TRIM37: variants seen among roughly 807,000 people sequenced by gnomAD.
TRIM37 encodes the protein tripartite motif containing 37, also known as E3 ubiquitin-protein ligase TRIM37.
In TRIM37, 80 loss-of-function variants were observed where a neutral mutation model predicts 129.8. That is an observed-to-expected ratio of 0.62 (90% CI 0.51 to 0.74). TRIM37 has a LOEUF of 0.74. Ranked by LOEUF, TRIM37 falls within the 30% of genes least tolerant of loss-of-function variation. The pLI, the probability that TRIM37 is intolerant of heterozygous loss-of-function variation, is 0.00. For synonymous variants in TRIM37, 389 were observed against 387.1 expected (o/e 1.00, Z -0.06); for missense variants, 1,054 against 1,176.5 (o/e 0.90, Z 1.52).
At chr17:58,990,360 G>A (rs530836047) in intron 24 of TRIM37, among the ~76,000 whole-genome samples, 1 of 151,892 alleles carries the variant, frequency 6.6e-6, no homozygotes, top group East Asian at 1.9e-4. Flanking sequence ...GCATGGTGGT[G>A]CACGCCTGTA....
rs148512839 is a variant in TRIM37, at chr17:59,014,881, A to C, written c.2576+729T>G. On this transcript the variant is annotated intron_variant, in intron 21 of 23. Coordinates refer to ENST00000262294, the MANE Select transcript of TRIM37 (RefSeq NM_015294.6). ...AAAAAAAGTACTATCTCTTGAGACC[A>C]TGGTGAAACCCCATCTCTACTAAAA... 1.7e-3 allele frequency among the ~76,000 whole-genome samples: 257 copies of C among 151,454 alleles called. 4 individuals are homozygous for C. The East Asian group carries it at 0.034, about 20-fold the overall frequency.
chr17:59,092,671 A>G (rs1294694822), intron 2 of TRIM37, among the ~76,000 whole-genome samples: 1 of 152,180 alleles, frequency 6.6e-6, no homozygotes, highest in African/African-American at 2.4e-5. Context: ...TCAGAGGTAA[A>G]TAACTATGAT....
chr17:59,094,937 C>T (rs112160739), intron 2 of TRIM37, among the ~76,000 whole-genome samples: 1 of 152,122 alleles, frequency 6.6e-6, no homozygotes, highest in Admixed American at 6.5e-5. Flanking sequence ...ATGGACCAGT[C>T]GGGTGTGGTG....
chr17:59,014,213 T>C (rs2035630406), intron 21 of TRIM37, among the ~76,000 whole-genome samples: 1 of 152,220 alleles, frequency 6.6e-6, no homozygotes, highest in African/African-American at 2.4e-5. Context: ...GCTGATCTTG[T>C]AGTTTTGGTA....
intron 22 of TRIM37, among the ~76,000 whole-genome samples, chr17:59,003,363 TA>T (rs1293938102): frequency 2.6e-5 from 4 of 152,244 alleles, no homozygotes; most frequent in African/African-American, 9.6e-5. Context: ...GTTCAAATTT[TA>T]AGAAATTAAC....
chr17:59,097,660 G>C (rs2045035869), intron 2 of TRIM37, among the ~76,000 whole-genome samples: 1 of 152,152 alleles, frequency 6.6e-6, no homozygotes, highest in African/African-American at 2.4e-5. Flanking sequence ...CTTGAACCCA[G>C]GAAGTTGAGG....
At chr17:58,979,382 A>AT (rs1439101494), downstream of TRIM37, among the ~76,000 whole-genome samples, 2 of 152,242 alleles carry the variant, frequency 1.3e-5, no homozygotes, top group African/African-American at 4.8e-5. Context: ...GGTCAGCCAC[A>AT]TAACTCCTCC....
chr17:59,105,978 C>A (rs1818220874), intron 1 of TRIM37, among the ~76,000 whole-genome samples: 1 of 152,164 alleles, frequency 6.6e-6, no homozygotes, highest in East Asian at 1.9e-4. Context: ...GGAAACTACA[C>A]ATGAGATAAT....
intron 22 of TRIM37, 148 bp downstream of exon 22, chr17:59,012,180 A>T: frequency 1.5e-6 from 1 of 686,214 alleles, no homozygotes; most frequent in Non-Finnish European, 2.6e-6. Flanking sequence ...TAACATTTCC[A>T]TTAAACCAAC....
intron 5 of TRIM37, among the ~76,000 whole-genome samples, chr17:59,081,964 A>AAAAATAATAAT (rs1568200247): frequency 1.1e-5 from 1 of 87,228 alleles, no homozygotes; most frequent in African/African-American, 5.1e-5. Context: ...AAAAAAAAAA[A>AAAAATAATAAT]AATAATAATA....
At position 59,076,332 on chromosome 17, in the gene TRIM37, G is replaced by A. The variant is rs117913764; in HGVS notation, c.617-618C>T. ...AAAGCAAGAGGATAACTTGAGCCTA[G>A]GTATTTGAGACCAGCCTAGGCAACA... On this transcript the variant is annotated intron_variant, in intron 7 of 23. Coordinates refer to ENST00000262294, the MANE Select transcript of TRIM37 (RefSeq NM_015294.6). 5.3e-5 allele frequency among the ~76,000 whole-genome samples: 8 copies of A among 152,346 alleles called. No individual in the cohort carries two copies. The East Asian group carries it at 1.5e-3, about 29-fold the overall frequency.
At chr17:58,997,170 G>C (rs924296800), downstream of TRIM37, among the ~76,000 whole-genome samples, 30 of 152,134 alleles carry the variant, frequency 2.0e-4, no homozygotes, top group African/African-American at 7.2e-4. Flanking sequence ...ATTGCAACCA[G>C]GATTAACTTC....
At chr17:59,035,471 C>T (rs2038357364) in intron 17 of TRIM37, among the ~76,000 whole-genome samples, 1 of 151,950 alleles carries the variant, frequency 6.6e-6, no homozygotes, top group Admixed American at 6.6e-5. Context: ...TAAAGCTATA[C>T]AGCCAGGCGC....
chr17:59,106,358 G>A, intron 1 of TRIM37, 83 bp downstream of exon 1: 1 of 1,557,666 alleles, frequency 6.4e-7, no homozygotes, highest in Non-Finnish European at 8.8e-7. Flanking sequence ...CTACTGGAGG[G>A]AGGACATGGG....
intron 24 of TRIM37, among the ~76,000 whole-genome samples, chr17:58,990,355 G>A (rs1477885360): frequency 6.6e-6 from 1 of 151,890 alleles, no homozygotes; most frequent in East Asian, 1.9e-4. Context: ...GCTAAGCATG[G>A]TGGTGCACGC....
chr17:59,021,014 G>C (rs117012981), intron 19 of TRIM37, among the ~76,000 whole-genome samples: 137 of 152,264 alleles, frequency 9.0e-4, no homozygotes, highest in Middle Eastern at 3.4e-3. Flanking sequence ...TGTCAAAGAG[G>C]TATCTGCATT....
chr17:59,021,466 T>C (rs1216408616), intron 19 of TRIM37, among the ~76,000 whole-genome samples: 1 of 152,182 alleles, frequency 6.6e-6, no homozygotes, highest in Non-Finnish European at 1.5e-5. Context: ...AATGAGATCC[T>C]GTCATTTGCA....
intron 3 of TRIM37, among the ~76,000 whole-genome samples, chr17:59,090,836 G>A (rs1368423192): frequency 6.6e-6 from 1 of 152,134 alleles, no homozygotes; most frequent in Admixed American, 6.5e-5. Context: ...ATGTTGGCCA[G>A]GCTGGTGTCG....
At chr17:59,103,143 G>A (rs2045667039) in intron 2 of TRIM37, among the ~76,000 whole-genome samples, 1 of 152,136 alleles carries the variant, frequency 6.6e-6, no homozygotes, top group Non-Finnish European at 1.5e-5. Context: ...AAAATGCCGG[G>A]ATTACAGGCG....
Sources: allele counts gnomAD v4.1 joint callset (sites outside exome capture counted in the v4.1 genomes callset), GRCh38; gene constraint gnomAD v4.1.1; transcripts MANE v1.5; gene names NCBI Gene and HGNC (gene_info 2026-07-23, HGNC 2026-07-21).